Variants in TNRC6C observed in about 807,000 individuals in gnomAD.
TNRC6C encodes the protein trinucleotide repeat-containing gene 6C protein.
Under a neutral mutation model 153.7 loss-of-function variants are expected in TNRC6C, and 20 were observed. The observed-to-expected ratio is 0.13, with a 90% confidence interval of 0.09 to 0.19. The LOEUF (loss-of-function observed/expected upper bound fraction) is 0.19. TNRC6C is among the 10% of genes least tolerant of loss of function. The pLI is 1.00. For synonymous variants in TNRC6C, 811 were observed against 841.4 expected (o/e 0.96, Z 0.63); for missense variants, 1,987 against 2,172.0 (o/e 0.91, Z 1.69).
At chr17:78,024,140 T>C (rs941108954) in intron 1 of TNRC6C, among the ~76,000 whole-genome samples, 4 of 152,104 alleles carry the variant, frequency 2.6e-5, no homozygotes, top group Admixed American at 1.3e-4. Flanking sequence ...GGCAGATACA[T>C]TAAAGTGTGT....
chr17:78,018,437 G>GT (rs1353656615), intron 1 of TNRC6C, among the ~76,000 whole-genome samples: 9 of 152,022 alleles, frequency 5.9e-5, no homozygotes, highest in East Asian at 3.9e-4. Flanking sequence ...CCGGAACCAT[G>GT]TTTTTTTATA....
chr17:78,015,017 G>C (rs114106008), intron 1 of TNRC6C, among the ~76,000 whole-genome samples: 228 of 152,234 alleles, frequency 1.5e-3, no homozygotes, highest in African/African-American at 5.2e-3. Flanking sequence ...TGGAATCACT[G>C]ATTATGTTGG....
rs539732763 is a variant in TNRC6C at position 78,034,108 on chromosome 17, C to T, written c.-219+2266C>T. Among the ~76,000 whole-genome samples the T allele has an allele frequency of 1.1e-3, 166 of 152,154 alleles. 2 individuals carry two copies. Among genetic ancestry groups the T allele is most frequent in the African/African-American group, 3.9e-3 (160 of 41,486 alleles). On this transcript the variant is annotated intron_variant, in intron 2 of 19. Coordinates refer to ENST00000301624, the Ensembl canonical transcript of TNRC6C. ...CTCTCTTGTTGCCCAGGCTGAAATG[C>T]GATGGCACAGTTTTGGCTCACCACA...
intron 1 of TNRC6C, among the ~76,000 whole-genome samples, chr17:77,995,076 GAAT>G (rs2071307706): frequency 2.0e-5 from 3 of 152,320 alleles, no homozygotes; most frequent in Middle Eastern, 6.8e-3. Context: ...AATGGGATTA[GAAT>G]AATGAGGGAT....
exon 11 of TNRC6C, chr17:78,083,153 A>G (rs776835367): frequency 4.3e-6 from 7 of 1,613,812 alleles, no homozygotes; most frequent in Middle Eastern, 1.6e-4. Context: ...AACCAGCTCT[A>G]TCAGCTGCAG....
intron 12 of TNRC6C, 54 bp downstream of exon 14, chr17:78,086,640 A>G: frequency 6.3e-7 from 1 of 1,577,306 alleles, no homozygotes; most frequent in Admixed American, 1.7e-5. Context: ...CCCTGATAGA[A>G]GAGACGCTAA....
At chr17:78,053,561 G>A (rs1011020887) in intron 3 of TNRC6C, among the ~76,000 whole-genome samples, 1 of 151,776 alleles carries the variant, frequency 6.6e-6, no homozygotes, top group Admixed American at 6.6e-5. Context: ...CCCAGGAGGC[G>A]GAGGTTGCAG....
At chr17:77,993,241 C>T (rs369626811) in intron 1 of TNRC6C, among the ~76,000 whole-genome samples, 2 of 152,182 alleles carry the variant, frequency 1.3e-5, no homozygotes, top group African/African-American at 4.8e-5. Flanking sequence ...GGATTACAGG[C>T]GTGAGCCACC....
chr17:78,102,179 C>T (rs1020885307), intron 17 of TNRC6C, among the ~76,000 whole-genome samples: 2 of 152,134 alleles, frequency 1.3e-5, no homozygotes, highest in Non-Finnish European at 2.9e-5. Flanking sequence ...TGGAGATTCT[C>T]GGGCCTCATC....
intron 3 of TNRC6C, among the ~76,000 whole-genome samples, chr17:78,052,878 G>A (rs1035892483): frequency 2.6e-5 from 4 of 152,148 alleles, no homozygotes; most frequent in Admixed American, 2.0e-4. Flanking sequence ...TCAGTGGTCC[G>A]TGGGCTGCAC....
At chr17:77,971,947 G>T (rs574849657) in intron 1 of TNRC6C, among the ~76,000 whole-genome samples, 4 of 151,340 alleles carry the variant, frequency 2.6e-5, no homozygotes, top group African/African-American at 9.7e-5. Context: ...AGCTTTAAAT[G>T]TATTAAATAT....
intron 1 of TNRC6C, among the ~76,000 whole-genome samples, chr17:78,027,022 C>G (rs756743890): frequency 2.6e-5 from 4 of 151,902 alleles, no homozygotes; most frequent in Non-Finnish European, 5.9e-5. Flanking sequence ...TGAAGTGTAT[C>G]AAGTATAAAA....
intron 3 of TNRC6C, among the ~76,000 whole-genome samples, 177 bp downstream of exon 5, chr17:78,051,625 T>C (rs1034216060): frequency 1.3e-5 from 2 of 152,078 alleles, no homozygotes; most frequent in Non-Finnish European, 2.9e-5. Flanking sequence ...GAGAGCAAAG[T>C]AGGATCCTCT....
intron 1 of TNRC6C, among the ~76,000 whole-genome samples, chr17:77,973,593 T>C: frequency 6.6e-6 from 1 of 152,206 alleles, no homozygotes; most frequent in Non-Finnish European, 1.5e-5. Flanking sequence ...AGAAAATCCT[T>C]AGGAATCCAC....
At chr17:77,997,282 G>T (rs1220760037) in intron 1 of TNRC6C, among the ~76,000 whole-genome samples, 1 of 152,116 alleles carries the variant, frequency 6.6e-6, no homozygotes, top group Non-Finnish European at 1.5e-5. Flanking sequence ...TAATATCAGG[G>T]TTCCTTTGAA....
At chr17:78,019,729 A>G (rs2071797109) in intron 1 of TNRC6C, among the ~76,000 whole-genome samples, 1 of 152,202 alleles carries the variant, frequency 6.6e-6, no homozygotes, top group African/African-American at 2.4e-5. Flanking sequence ...AAAAATCATA[A>G]AGAAACTAAA....
intron 1 of TNRC6C, among the ~76,000 whole-genome samples, chr17:78,007,503 A>G (rs776106643): frequency 1.1e-4 from 17 of 152,198 alleles, no homozygotes; most frequent in Non-Finnish European, 1.9e-4. Context: ...GACTGTACCT[A>G]TGATACATGT....
intron 13 of TNRC6C, among the ~76,000 whole-genome samples, chr17:78,090,928 G>C (rs2073382662): frequency 6.6e-6 from 1 of 152,248 alleles, no homozygotes; most frequent in African/African-American, 2.4e-5. Flanking sequence ...AAGTGTTTTT[G>C]ACCTGATGAG....
chr17:78,082,765 C>T (rs1448479860), intron 10 of TNRC6C, among the ~76,000 whole-genome samples: 18 of 152,184 alleles, frequency 1.2e-4, no homozygotes, highest in Admixed American at 1.2e-3. Context: ...TGTGAAACCT[C>T]CCTGACTGCA....
Sources: allele counts gnomAD v4.1 joint callset (sites outside exome capture counted in the v4.1 genomes callset), GRCh38; gene constraint gnomAD v4.1.1; transcripts MANE v1.5; gene names NCBI Gene and HGNC (gene_info 2026-07-23, HGNC 2026-07-21).